The following LRRCC1 variants were observed in gnomAD, a reference collection of about 807,000 sequenced individuals.
LRRCC1 encodes the protein leucine-rich repeat and coiled-coil domain-containing protein 1.
Under a neutral mutation model 126.0 loss-of-function variants are expected in LRRCC1, and 115 were observed. That is an observed-to-expected ratio of 0.91 (90% CI 0.78 to 1.07). The LOEUF is 1.07. Ranked by LOEUF, LRRCC1 falls within the 50% of genes least tolerant of loss-of-function variation. The pLI, the probability that LRRCC1 is intolerant of heterozygous loss-of-function variation, is 0.00. For synonymous variants in LRRCC1, 400 were observed against 393.4 expected, an observed-to-expected ratio of 1.02 and a Z score of -0.20; for missense variants, 1,172 against 1,175.7, an observed-to-expected ratio of 1.00 and a Z score of 0.05.
chr8:85,137,638 C>T lies in LRRCC1; in HGVS notation c.2493+11C>T. 7.0e-7 allele frequency: 1 copy of T among 1,420,552 alleles called. No individual in the cohort carries two copies. The highest frequency in any genetic ancestry group is 9.2e-7 in the Non-Finnish European group (1 of 1,083,784). 88.0% of individuals were successfully genotyped at this position (1,420,552 alleles called of 1,614,324 possible). ...AGAAAATTAAAAGATGTAAGTTTGA[C>T]ATTTTATTTTGGTTAAAGAGCAAAT... On this transcript the variant is annotated intron_variant, in intron 15 of 18. Coordinates refer to ENST00000360375, the MANE Select transcript of LRRCC1 (RefSeq NM_033402.5).
In LRRCC1 at chr8:85,134,969, G is replaced by A; in HGVS notation, c.2091G>A (p.Lys697=). 1 of 1,559,804 alleles carries A rather than the reference G, an allele frequency of 6.4e-7. No individual in the cohort carries two copies. Among genetic ancestry groups the A allele is most frequent in the Non-Finnish European group, 8.6e-7 (1 of 1,163,644 alleles). ...TTAAAGATCTGACCTGTATGGTAAA[G>A]GAACAAAAAACAAAACTGGCAGAAG... is the stretch of plus-strand genomic sequence containing the variant. ...SLIKDLTCMV[K]EQKTKLAEVS... The change falls in exon 13 of 19, where the codon AAG becomes AAA. Residue 697 remains lysine, a synonymous_variant. Coordinates refer to ENST00000360375, the MANE Select transcript of LRRCC1 (RefSeq NM_033402.5).
intron 11 of LRRCC1, among the ~76,000 whole-genome samples, 179 bp downstream of exon 11, chr8:85,130,237 G>A (rs1212411214): frequency 2.0e-5 from 3 of 149,848 alleles, no homozygotes; most frequent in East Asian, 2.0e-4. Flanking sequence ...CCGAGTTCAC[G>A]CCATTCTCCT....
chr8:85,134,814 A>G (rs766805266), intron 12 of LRRCC1, 33 bp from the exon 13 acceptor site: 11 of 1,359,254 alleles, frequency 8.1e-6, no homozygotes, highest in Non-Finnish European at 1.1e-5. Context: ...TTATTTGGAG[A>G]ACTGCTATTT....
intron 6 of LRRCC1, among the ~76,000 whole-genome samples, chr8:85,120,980 C>T (rs984099084): frequency 5.9e-5 from 9 of 152,142 alleles, no homozygotes; most frequent in African/African-American, 2.2e-4. Flanking sequence ...AGTAGAATTG[C>T]TGGGTCATAT....
At position 85,141,432 on chromosome 8, in the gene LRRCC1, T is replaced by G; in HGVS notation, c.2891T>G (p.Val964Gly). 1 of 1,613,308 alleles carries G rather than the reference T, an allele frequency of 6.2e-7. No individual in the cohort carries two copies. Among genetic ancestry groups the G allele is most frequent in the Non-Finnish European group, 8.5e-7 (1 of 1,179,454 alleles). The stretch of plus-strand genomic sequence containing the variant: ...ATGGATGATGCCTTTAAAAGACAAG[T>G]TGATGCAATTGTTGAAGCTCATCAA... Reference protein sequence around the residue: ...HSMDDAFKRQVDAIVEAHQAE... With the variant: ...HSMDDAFKRQGDAIVEAHQAE... Residue 964 changes from valine to glycine, a missense_variant, in exon 18 of 19, where the codon GTT becomes GGT. By Grantham distance (109) the Val-to-Gly change is moderately radical. Transcript: ENST00000360375.
intron 13 of LRRCC1, 27 bp downstream of exon 13, chr8:85,135,059 T>A: frequency 7.1e-7 from 1 of 1,415,004 alleles, no homozygotes; most frequent in Non-Finnish European, 9.3e-7. Context: ...TTATATGTTT[T>A]AAAATTTTTT....
intron 6 of LRRCC1, among the ~76,000 whole-genome samples, chr8:85,121,828 T>A (rs1049188675): frequency 7.9e-5 from 12 of 152,236 alleles, no homozygotes; most frequent in Admixed American, 7.9e-4. Flanking sequence ...TAATACTGTA[T>A]CACTTCAAGT....
chr8:85,113,574 G>A (rs1808887513), intron 4 of LRRCC1, among the ~76,000 whole-genome samples: 1 of 151,982 alleles, frequency 6.6e-6, no homozygotes, highest in Non-Finnish European at 1.5e-5. Context: ...GCATGTGTGT[G>A]TGTGCTCAGT....
Position 85,113,075 on chromosome 8 carries a change from G to T in LRRCC1, c.520G>T (p.Asp174Tyr). 6.2e-7 allele frequency: 1 copy of T among 1,610,444 alleles called. No individual in the cohort carries two copies. The highest frequency in any genetic ancestry group is 1.3e-5 in the African/African-American group (1 of 74,884). Reference sequence around the variant, plus strand: ...TCTTATTTTGGAGAAAGATGGAGACGATAATCCTGTCTGTCGACTGCCAGG... The same window carrying T: ...TCTTATTTTGGAGAAAGATGGAGACTATAATCCTGTCTGTCGACTGCCAGG... Reference protein sequence around the residue: ...TNLILEKDGDDNPVCRLPGYR... With the variant: ...TNLILEKDGDYNPVCRLPGYR... Residue 174 changes from aspartate to tyrosine, a missense_variant, in exon 4 of 19, where the codon GAT becomes TAT. Coordinates refer to ENST00000360375, the MANE Select transcript of LRRCC1 (RefSeq NM_033402.5).
At chr8:85,127,792 G>A (rs964970600) in intron 9 of LRRCC1, among the ~76,000 whole-genome samples, 1 of 152,188 alleles carries the variant, frequency 6.6e-6, no homozygotes, top group African/African-American at 2.4e-5. Flanking sequence ...GATGCGTTAT[G>A]TTATCACTAG....
At chr8:85,143,610 G>A (rs1811420904) in intron 18 of LRRCC1, among the ~76,000 whole-genome samples, 1 of 152,168 alleles carries the variant, frequency 6.6e-6, no homozygotes, top group African/African-American at 2.4e-5. Flanking sequence ...CTGCACTGCA[G>A]CCTGGGTGAC....
intron 4 of LRRCC1, among the ~76,000 whole-genome samples, chr8:85,114,800 A>G (rs1808978027): frequency 6.6e-6 from 1 of 152,114 alleles, no homozygotes; most frequent in Non-Finnish European, 1.5e-5. Flanking sequence ...ATAAATTTCT[A>G]CTAGTTTTAT....
intron 6 of LRRCC1, among the ~76,000 whole-genome samples, chr8:85,120,215 G>A (rs1417086850): frequency 6.6e-6 from 1 of 151,880 alleles, no homozygotes; most frequent in East Asian, 1.9e-4. Flanking sequence ...AATTAAGTCA[G>A]GATGATTCAT....
At chr8:85,132,009 A>G in intron 12 of LRRCC1, 48 bp downstream of exon 12, 1 of 1,478,136 alleles carries the variant, frequency 6.8e-7, no homozygotes, top group Non-Finnish European at 9.2e-7. Flanking sequence ...TCAGTAAGAT[A>G]TGGTTTGATG....
At chr8:85,121,336 T>TA (rs1300692871) in intron 6 of LRRCC1, among the ~76,000 whole-genome samples, 2 of 152,198 alleles carry the variant, frequency 1.3e-5, no homozygotes, top group African/African-American at 4.8e-5. Context: ...TGTTATTTGT[T>TA]TTCTGTTTGT....
chr8:85,115,153 A>C lies in LRRCC1; in HGVS notation c.598A>C (p.Lys200Gln). The C allele has an allele frequency of 1.2e-6, 2 of 1,612,970 alleles. No homozygotes were observed. The highest frequency in any genetic ancestry group is 4.5e-5 in the East Asian group (2 of 44,820). The change falls in exon 5 of 19, where the codon AAG becomes CAG. Residue 200 changes from lysine (K) to glutamine (Q), a missense_variant. Transcript: ENST00000360375. ...TLPQLRILDC[K>Q]NIFGEPVNLT... Reference sequence around the variant, plus strand: ...GCCACAGCTTAGAATCCTAGATTGCAAGAACATATTTGGTGAACCAGTAAA... The same window carrying C: ...GCCACAGCTTAGAATCCTAGATTGCCAGAACATATTTGGTGAACCAGTAAA...
chr8:85,135,711 T>C (rs193024209), intron 13 of LRRCC1, 78 bp from the exon 14 acceptor site: 2 of 940,072 alleles, frequency 2.1e-6, no homozygotes, highest in African/African-American at 3.4e-5. Context: ...TAACATTTTT[T>C]CTCATTATAA....
At position 85,145,601 on chromosome 8, in the gene LRRCC1, T is replaced by C. The variant is rs1811624664; in HGVS notation, c.*90T>C. 2 of 1,066,924 alleles carry C rather than the reference T, an allele frequency of 1.9e-6. No individual in the cohort carries two copies. The highest frequency in any genetic ancestry group is 2.6e-6 in the Non-Finnish European group (2 of 757,110). 66.1% of individuals were successfully genotyped at this position (1,066,924 alleles called of 1,614,324 possible). On this transcript the variant is annotated 3_prime_UTR_variant, in exon 19 of 19. Coordinates refer to ENST00000360375, the MANE Select transcript of LRRCC1 (RefSeq NM_033402.5). ...GTAATAGTAGTAACTGCTATGACTT[T>C]GAAATGTCTCTTTCTATACATTTCA...
intron 6 of LRRCC1, among the ~76,000 whole-genome samples, chr8:85,121,754 A>G (rs769331340): frequency 1.2e-4 from 19 of 152,266 alleles, no homozygotes; most frequent in Admixed American, 8.5e-4. Flanking sequence ...TTTAGTCACA[A>G]TTCTCTAGGT....
Sources: gnomAD v4.1 joint callset for allele counts (sites outside exome capture counted in the v4.1 genomes callset) on GRCh38, gnomAD v4.1.1 for gene constraint, MANE v1.5 for transcripts, NCBI Gene and HGNC (gene_info 2026-07-23, HGNC 2026-07-21) for gene names.